Variants in LINGO2 observed in about 807,000 individuals in gnomAD.
LINGO2 encodes leucine rich repeat and Ig domain containing 2, also known as leucine-rich repeat and immunoglobulin-like domain-containing nogo receptor-interacting protein 2.
A neutral mutation model predicts 30.6 loss-of-function variants in LINGO2; 14 were observed. The ratio of observed to expected loss-of-function variants is 0.46; its 90% CI spans 0.30 to 0.72. The LOEUF (loss-of-function observed/expected upper bound fraction) is 0.72, where lower values mean the gene tolerates loss of function less well. LINGO2 is among the 30% of genes least tolerant of loss of function. The pLI is 0.07. For synonymous variants in LINGO2, 317 were observed against 288.5 expected (o/e 1.10, Z -1.00); for missense variants, 729 against 751.7 (o/e 0.97, Z 0.35).
chr9:29,152,825 TTAA>T, the LINGO2 span, among the ~76,000 whole-genome samples: 1 of 152,158 alleles, frequency 6.6e-6, no homozygotes, highest in Non-Finnish European at 1.5e-5. Context: ...AAAAATTGAT[TTAA>T]TAATAAAATA....
At chr9:29,186,654 T>A in the LINGO2 span, among the ~76,000 whole-genome samples, 1 of 152,068 alleles carries the variant, frequency 6.6e-6, no homozygotes, top group Non-Finnish European at 1.5e-5. Context: ...TGACGCTTCA[T>A]TTCCAGAATA....
intron 4 of LINGO2, among the ~76,000 whole-genome samples, chr9:28,111,013 A>G (rs980316166): frequency 1.3e-5 from 2 of 152,120 alleles, no homozygotes; most frequent in African/African-American, 4.8e-5. Context: ...TAGACTGGAT[A>G]AAGAAAATGT....
At chr9:28,299,102 T>C (rs190250078) in intron 3 of LINGO2, among the ~76,000 whole-genome samples, 288 of 152,310 alleles carry the variant, frequency 1.9e-3, no homozygotes, top group Middle Eastern at 3.4e-3. Flanking sequence ...GTTGACAAGT[T>C]GTTTTTTATA....
the LINGO2 span, among the ~76,000 whole-genome samples, chr9:29,041,003 C>T: frequency 8.6e-5 from 13 of 151,922 alleles, no homozygotes; most frequent in Admixed American, 2.6e-4. Context: ...AAAATAGAAA[C>T]GGTAAAATTA....
chr9:28,051,970 C>T (rs1054478179), intron 4 of LINGO2, among the ~76,000 whole-genome samples: 2 of 152,034 alleles, frequency 1.3e-5, no homozygotes, highest in African/African-American at 4.8e-5. Context: ...GCACTGTAAG[C>T]ATTGCCTCAA....
At chr9:29,182,900 A>G in the LINGO2 span, among the ~76,000 whole-genome samples, 5 of 152,182 alleles carry the variant, frequency 3.3e-5, no homozygotes, top group South Asian at 1.0e-3. Context: ...TTAGCAGACC[A>G]TCCAAACATA....
intron 1 of LINGO2, among the ~76,000 whole-genome samples, chr9:28,624,313 C>G (rs757895248): frequency 6.6e-6 from 1 of 151,910 alleles, no homozygotes; most frequent in Non-Finnish European, 1.5e-5. Context: ...GTGCATCTGT[C>G]ATGTACAGCT....
At chr9:28,156,624 AG>A (rs1828138511) in intron 4 of LINGO2, among the ~76,000 whole-genome samples, 1 of 152,244 alleles carries the variant, frequency 6.6e-6, no homozygotes, top group South Asian at 2.1e-4. Context: ...TTAACTCAAA[AG>A]TCCACAGTCA....
rs1030067019 is a variant in LINGO2 at position 28,300,139 on chromosome 9, A to C, written c.-245-4773T>G. Among the ~76,000 whole-genome samples, 353 of 151,754 alleles carry C rather than the reference A, an allele frequency of 2.3e-3. 1 individual carries two copies. The highest frequency in any genetic ancestry group is 8.2e-3 in the African/African-American group (339 of 41,506). The stretch of plus-strand genomic sequence containing the variant: ...ATTTTTCTAATGGAAAAAAAAAAAA[A>C]AAAACAAAGACACAAAGAGAAGACT... On this transcript the variant is annotated intron_variant, in intron 3 of 5. Coordinates refer to ENST00000379992, the Ensembl canonical transcript of LINGO2.
At chr9:28,549,694 G>C (rs1368547901) in intron 1 of LINGO2, among the ~76,000 whole-genome samples, 1 of 151,674 alleles carries the variant, frequency 6.6e-6, no homozygotes, top group Non-Finnish European at 1.5e-5. Flanking sequence ...TCACAGAATA[G>C]TTTTAACATA....
At chr9:29,082,591 T>G in the LINGO2 span, among the ~76,000 whole-genome samples, 1 of 152,012 alleles carries the variant, frequency 6.6e-6, no homozygotes, top group Non-Finnish European at 1.5e-5. Flanking sequence ...GGGATCTAAT[T>G]AAACTAAGGA....
intron 1 of LINGO2, among the ~76,000 whole-genome samples, chr9:28,562,255 C>A (rs79354071): frequency 0.017 from 2,596 of 151,862 alleles, 52 homozygotes; most frequent in Non-Finnish European, 0.025. Flanking sequence ...AAGTAAGGAA[C>A]GATGATTATT....
the LINGO2 span, among the ~76,000 whole-genome samples, chr9:28,840,134 AG>A: frequency 6.6e-6 from 1 of 151,814 alleles, no homozygotes; most frequent in Non-Finnish European, 1.5e-5. Context: ...GAGGAGACAG[AG>A]GGGCTTCCCT....
intron 4 of LINGO2, among the ~76,000 whole-genome samples, chr9:28,142,600 A>G (rs1468284369): frequency 6.6e-6 from 1 of 152,220 alleles, no homozygotes; most frequent in Non-Finnish European, 1.5e-5. Context: ...AGACTAGGTT[A>G]ACTAATGAAA....
At chr9:29,015,781 T>C in the LINGO2 span, among the ~76,000 whole-genome samples, 1 of 152,178 alleles carries the variant, frequency 6.6e-6, no homozygotes, top group Admixed American at 6.6e-5. Flanking sequence ...ATCCTCATAA[T>C]TGGAAGCACT....
intron 5 of LINGO2, among the ~76,000 whole-genome samples, chr9:27,977,899 A>G (rs1820679578): frequency 1.3e-5 from 2 of 152,028 alleles, no homozygotes; most frequent in African/African-American, 4.8e-5. Flanking sequence ...CAAAGTGGTG[A>G]GGCTAGGCAT....
intron 2 of LINGO2, among the ~76,000 whole-genome samples, chr9:28,455,238 A>C (rs1240089072): frequency 6.6e-6 from 1 of 152,088 alleles, no homozygotes; most frequent in Non-Finnish European, 1.5e-5. Context: ...TTGTGAGTTC[A>C]TAATTTTTCC....
At chr9:28,568,894 G>C (rs1166032927) in intron 1 of LINGO2, among the ~76,000 whole-genome samples, 1 of 146,890 alleles carries the variant, frequency 6.8e-6, no homozygotes, top group East Asian at 1.9e-4. Context: ...TATAATAACA[G>C]AGGAAAGTAT....
At chr9:29,169,858 T>C in the LINGO2 span, among the ~76,000 whole-genome samples, 1 of 151,950 alleles carries the variant, frequency 6.6e-6, no homozygotes, top group Non-Finnish European at 1.5e-5. Context: ...ATTAGCTAGG[T>C]GTGGTGGCAC....
Sources: gnomAD v4.1 joint callset for allele counts (sites outside exome capture counted in the v4.1 genomes callset) on GRCh38, gnomAD v4.1.1 for gene constraint, MANE v1.5 for transcripts, NCBI Gene and HGNC (gene_info 2026-07-23, HGNC 2026-07-21) for gene names.